The following ARB2A variants were observed in gnomAD, a reference collection of about 807,000 sequenced individuals.
ARB2A encodes the protein ARB2 cotranscriptional regulator A.
chr5:93,878,918 T>C, the ARB2A span, among the ~76,000 whole-genome samples: 2 of 152,168 alleles, frequency 1.3e-5, no homozygotes, highest in Admixed American at 6.6e-5. Context: ...TACCATTTAC[T>C]AGCTTTGTGA....
chr5:93,637,197 C>CT, the ARB2A span, among the ~76,000 whole-genome samples: 6 of 152,080 alleles, frequency 3.9e-5, no homozygotes, highest in African/African-American at 7.2e-5. Context: ...TTGGAATTGG[C>CT]TTTTTTCATT....
At chr5:93,685,758 A>G in the ARB2A span, among the ~76,000 whole-genome samples, 5 of 152,088 alleles carry the variant, frequency 3.3e-5, no homozygotes, top group Non-Finnish European at 7.4e-5. Context: ...ATCTAATCCA[A>G]CTTCTTTCTA....
the ARB2A span, among the ~76,000 whole-genome samples, chr5:93,943,743 T>C: frequency 6.6e-6 from 1 of 152,148 alleles, no homozygotes; most frequent in Non-Finnish European, 1.5e-5. Flanking sequence ...AGTTTATTAC[T>C]GAAATTACTG....
At chr5:93,741,104 G>A in the ARB2A span, 1 of 1,613,812 alleles carries the variant, frequency 6.2e-7, no homozygotes, top group Non-Finnish European at 8.5e-7. Flanking sequence ...TTCCCAAACA[G>A]AGCTCCCACA....
At chr5:93,916,749 A>G in the ARB2A span, among the ~76,000 whole-genome samples, 1 of 152,134 alleles carries the variant, frequency 6.6e-6, no homozygotes, top group Non-Finnish European at 1.5e-5. Context: ...GAAACATTCC[A>G]TACAATGGGT....
the ARB2A span, among the ~76,000 whole-genome samples, chr5:93,850,173 T>C: frequency 6.6e-6 from 1 of 152,190 alleles, no homozygotes; most frequent in Non-Finnish European, 1.5e-5. Context: ...AATGTGTGCA[T>C]GTATGTGTGT....
chr5:93,943,044 G>C, the ARB2A span, among the ~76,000 whole-genome samples: 7 of 152,062 alleles, frequency 4.6e-5, no homozygotes, highest in Non-Finnish European at 8.8e-5. Flanking sequence ...TGGATGTTTA[G>C]TTGGTTAGAA....
chr5:93,873,600 TCA>T, the ARB2A span, among the ~76,000 whole-genome samples: 1 of 152,214 alleles, frequency 6.6e-6, no homozygotes, highest in Non-Finnish European at 1.5e-5. Context: ...TCAGGCTTGA[TCA>T]CAGTTTCCCT....
At chr5:93,998,719 G>A in the ARB2A span, among the ~76,000 whole-genome samples, 3 of 151,874 alleles carry the variant, frequency 2.0e-5, no homozygotes, top group South Asian at 2.1e-4. Context: ...CTAATGCACC[G>A]TCAGTAACAG....
the ARB2A span, among the ~76,000 whole-genome samples, chr5:93,706,407 G>T: frequency 6.6e-6 from 1 of 152,186 alleles, no homozygotes; most frequent in African/African-American, 2.4e-5. Flanking sequence ...AGAGAATGGT[G>T]AGTGATTGCT....
chr5:93,988,796 C>T, the ARB2A span, among the ~76,000 whole-genome samples: 1 of 152,238 alleles, frequency 6.6e-6, no homozygotes, highest in Middle Eastern at 3.4e-3. Flanking sequence ...TTCACAACAA[C>T]CCCATAAAGT....
chr5:94,095,573 T>C, the ARB2A span, among the ~76,000 whole-genome samples: 1 of 151,854 alleles, frequency 6.6e-6, no homozygotes. Flanking sequence ...AGACTGCTAA[T>C]AGCTATTTCT....
the ARB2A span, chr5:93,804,834 G>A: frequency 1.5e-6 from 1 of 674,370 alleles, no homozygotes; most frequent in Non-Finnish European, 1.8e-6. Flanking sequence ...TTAATTTTTT[G>A]ATTATTTTGA....
At chr5:94,004,224 C>G in the ARB2A span, among the ~76,000 whole-genome samples, 2 of 152,120 alleles carry the variant, frequency 1.3e-5, no homozygotes, top group African/African-American at 2.4e-5. Flanking sequence ...AACTATAAAA[C>G]TTCTAGAAAA....
At chr5:93,717,811 G>A in the ARB2A span, among the ~76,000 whole-genome samples, 1 of 150,662 alleles carries the variant, frequency 6.6e-6, no homozygotes, top group East Asian at 2.0e-4. Flanking sequence ...TGCTATAAAT[G>A]ATTATTTCTG....
chr5:93,741,637 C>T, the ARB2A span: 1 of 1,430,278 alleles, frequency 7.0e-7, no homozygotes, highest in Non-Finnish European at 9.2e-7. Context: ...CACCGGCCCC[C>T]TCAAGCCCCG....
the ARB2A span, among the ~76,000 whole-genome samples, chr5:93,841,736 ATTC>A: frequency 6.6e-6 from 1 of 152,212 alleles, no homozygotes; most frequent in Non-Finnish European, 1.5e-5. Flanking sequence ...CACATTTAAT[ATTC>A]TTCTCTCCAT....
chr5:93,698,659 T>C, the ARB2A span, among the ~76,000 whole-genome samples: 1 of 152,248 alleles, frequency 6.6e-6, no homozygotes, highest in Non-Finnish European at 1.5e-5. Flanking sequence ...ACCAGGAAAG[T>C]AATTTAATCG....
At chr5:93,771,873 T>C in the ARB2A span, among the ~76,000 whole-genome samples, 1 of 152,204 alleles carries the variant, frequency 6.6e-6, no homozygotes, top group Non-Finnish European at 1.5e-5. Context: ...GTAAACTAGT[T>C]CAACCTTTGT....
Sources: allele counts gnomAD v4.1 joint callset (sites outside exome capture counted in the v4.1 genomes callset), GRCh38; gene constraint gnomAD v4.1.1; transcripts MANE v1.5; gene names NCBI Gene and HGNC (gene_info 2026-07-23, HGNC 2026-07-21).